PDE4D: variants seen among roughly 807,000 people sequenced by gnomAD.
PDE4D encodes the protein phosphodiesterase 4D, also known as 3',5'-cyclic-AMP phosphodiesterase 4D.
PDE4D carries 24 observed loss-of-function variants against 87.4 expected under a neutral mutation model. The observed-to-expected ratio is 0.27, with a 90% CI of 0.20 to 0.39. The LOEUF is 0.39. Ranked by LOEUF, PDE4D falls within the 10% of genes least tolerant of loss-of-function variation. The pLI, the probability that PDE4D is intolerant of heterozygous loss-of-function variation, is 1.00. For synonymous variants in PDE4D, 384 were observed against 383.2 expected (o/e 1.00, Z -0.02); for missense variants, 714 against 1,041.0 (o/e 0.69, Z 4.32).
At chr5:60,039,253 A>G (rs536477296) in intron 2 of PDE4D, among the ~76,000 whole-genome samples, 29 of 152,294 alleles carry the variant, frequency 1.9e-4, no homozygotes, top group Admixed American at 3.9e-4. Context: ...AATACTATGC[A>G]GCCATAAAAA....
At chr5:59,204,142 T>G (rs1392142505) in intron 2 of PDE4D, among the ~76,000 whole-genome samples, 1 of 151,616 alleles carries the variant, frequency 6.6e-6, no homozygotes, top group African/African-American at 2.4e-5. Context: ...TGTTATTTGT[T>G]GATGAAAAAT....
intron 2 of PDE4D, among the ~76,000 whole-genome samples, chr5:60,038,163 C>T (rs1419649732): frequency 6.6e-6 from 1 of 152,048 alleles, no homozygotes; most frequent in Non-Finnish European, 1.5e-5. Context: ...CTTTGGTTGC[C>T]ATTGCTTTTG....
chr5:59,424,883 C>T (rs1334444085), intron 1 of PDE4D, among the ~76,000 whole-genome samples: 1 of 152,170 alleles, frequency 6.6e-6, no homozygotes, highest in African/African-American at 2.4e-5. Context: ...GCTTCACATA[C>T]CAGGCCAACA....
intron 2 of PDE4D, among the ~76,000 whole-genome samples, chr5:60,061,500 T>C (rs1390101767): frequency 1.3e-5 from 2 of 152,062 alleles, no homozygotes; most frequent in African/African-American, 2.4e-5. Flanking sequence ...AAAATGGCCA[T>C]ACAGCCCAAA....
At chr5:59,427,760 C>A (rs1163318473) in intron 1 of PDE4D, among the ~76,000 whole-genome samples, 1 of 150,964 alleles carries the variant, frequency 6.6e-6, no homozygotes, top group Non-Finnish European at 1.5e-5. Context: ...TTCTAGGCTG[C>A]CCTGATCTAT....
At position 60,470,152 on chromosome 5, in the gene PDE4D, G is replaced by A. The variant is rs138060648; in HGVS notation, c.-90+17790C>T. On this transcript the variant is annotated intron_variant, in intron 1 of 16. Transcript: ENST00000502484. The stretch of plus-strand genomic sequence containing the variant: ...TTGCTCATATAGGGAAAGTTTGGGC[G>A]GTCTGAATAGAAGATCAAACCAGTG... Among the ~76,000 whole-genome samples the A allele has an allele frequency of 3.6e-3, 548 of 152,210 alleles. 3 individuals carry two copies. The highest frequency in any genetic ancestry group is 6.2e-3 in the South Asian group (30 of 4,820).
At chr5:59,681,056 C>G (rs1363625492) in intron 1 of PDE4D, among the ~76,000 whole-genome samples, 1 of 152,104 alleles carries the variant, frequency 6.6e-6, no homozygotes, top group Non-Finnish European at 1.5e-5. Flanking sequence ...CACACCTACT[C>G]TCCAAATTTT....
chr5:59,732,394 T>TCACACACACACACACACACA lies in PDE4D; in HGVS notation c.455+160754_455+160773dup, dbSNP rs71604799. Among the ~76,000 whole-genome samples, 220 of 146,196 alleles carry TCACACACACACACACACACA rather than the reference T, an allele frequency of 1.5e-3. 1 individual carries two copies. The highest frequency in any genetic ancestry group is 5.3e-3 in the African/African-American group (210 of 39,510). On this transcript the variant is annotated intron_variant, in intron 1 of 14. Coordinates refer to ENST00000340635, the MANE Select transcript of PDE4D (RefSeq NM_001104631.2). ...GTGAATTTCAAATGTCAGGAGACAT[T>TCACACACACACACACACACA]CACACACACACACACACACACACAC...
At chr5:59,596,239 A>T (rs1826663163) in intron 1 of PDE4D, among the ~76,000 whole-genome samples, 1 of 150,926 alleles carries the variant, frequency 6.6e-6, no homozygotes, top group Non-Finnish European at 1.5e-5. Flanking sequence ...TATTTATAAC[A>T]TATGTATATT....
At chr5:59,047,250 C>T (rs1011881307) in intron 5 of PDE4D, among the ~76,000 whole-genome samples, 1 of 152,024 alleles carries the variant, frequency 6.6e-6, no homozygotes, top group Non-Finnish European at 1.5e-5. Context: ...TTACCTGGAA[C>T]AGTTTTTAGG....
intron 1 of PDE4D, among the ~76,000 whole-genome samples, chr5:59,670,515 G>T (rs1272026159): frequency 6.6e-6 from 1 of 152,004 alleles, no homozygotes; most frequent in Admixed American, 6.6e-5. Context: ...TTCAGCCTAT[G>T]TTTATAAGGT....
chr5:59,845,681 A>C (rs566201666), intron 1 of PDE4D, among the ~76,000 whole-genome samples: 69 of 152,248 alleles, frequency 4.5e-4, no homozygotes, highest in African/African-American at 1.6e-3. Flanking sequence ...ATTTCAGATA[A>C]TACTACTGAA....
intron 1 of PDE4D, among the ~76,000 whole-genome samples, chr5:60,219,298 G>A (rs951003009): frequency 2.6e-5 from 4 of 152,094 alleles, no homozygotes; most frequent in African/African-American, 2.4e-5. Flanking sequence ...ATAGATGTAT[G>A]ACTTTTGTCA....
intron 1 of PDE4D, among the ~76,000 whole-genome samples, chr5:60,476,098 C>G (rs1390031173): frequency 6.6e-6 from 1 of 152,154 alleles, no homozygotes; most frequent in Admixed American, 6.5e-5. Context: ...CAAGTCTGCA[C>G]TACACTCAAT....
At chr5:59,213,418 C>A (rs1329265387) in intron 2 of PDE4D, among the ~76,000 whole-genome samples, 1 of 152,110 alleles carries the variant, frequency 6.6e-6, no homozygotes, top group Non-Finnish European at 1.5e-5. Flanking sequence ...CTGGTATTTA[C>A]TACTTTTCCA....
At position 59,603,854 on chromosome 5, in the gene PDE4D, A is replaced by G. The variant is rs775178633; in HGVS notation, c.455+289314T>C. ...ATCTATTGTACAATATGGTGATTCT[A>G]GTCAATAACAATATGTTGTATTCTT... On this transcript the variant is annotated intron_variant, in intron 1 of 14. Transcript: ENST00000340635. 4.6e-5 allele frequency among the ~76,000 whole-genome samples: 7 copies of G among 152,142 alleles called. No individual in the cohort carries two copies. In the South Asian group the frequency reaches 8.3e-4, roughly 18 times the overall value.
At chr5:59,039,946 G>C (rs960960718) in intron 5 of PDE4D, 5 of 152,254 alleles carry the variant, frequency 3.3e-5, no homozygotes, top group African/African-American at 4.8e-5. Context: ...AGGCGCGCAC[G>C]GCCGCGCACC....
intron 1 of PDE4D, among the ~76,000 whole-genome samples, chr5:59,322,272 C>T (rs1774856242): frequency 6.6e-6 from 1 of 152,098 alleles, no homozygotes; most frequent in Admixed American, 6.6e-5. Context: ...TTATCATTCA[C>T]TCAGTATTGC....
intron 5 of PDE4D, among the ~76,000 whole-genome samples, chr5:59,073,204 G>A (rs1018105312): frequency 6.6e-6 from 1 of 152,060 alleles, no homozygotes; most frequent in African/African-American, 2.4e-5. Context: ...AGGAGTAAAT[G>A]GGTCAATACA....
Sources: allele counts gnomAD v4.1 joint callset (sites outside exome capture counted in the v4.1 genomes callset), GRCh38; gene constraint gnomAD v4.1.1; transcripts MANE v1.5; gene names NCBI Gene and HGNC (gene_info 2026-07-23, HGNC 2026-07-21).